Variants in PARVB observed in about 807,000 individuals in gnomAD.
PARVB encodes the protein parvin beta, also known as beta-parvin.
Under a neutral mutation model 47.0 loss-of-function variants are expected in PARVB, and 46 were observed. The ratio of observed to expected loss-of-function variants is 0.98; its 90% CI spans 0.77 to 1.25. The LOEUF (loss-of-function observed/expected upper bound fraction) is 1.25, where lower values mean the gene tolerates loss of function less well. Ranked by LOEUF, PARVB falls within the 50% of genes most tolerant of loss-of-function variation. PARVB has a pLI of 0.00. For missense variants in PARVB, 473 were observed against 471.6 expected (o/e 1.00, Z -0.03); for synonymous variants, 196 against 196.3 (o/e 1.00, Z 0.01).
chr22:44,003,818 G>A (rs1270634102), intron 2 of PARVB, among the ~76,000 whole-genome samples: 1 of 152,176 alleles, frequency 6.6e-6, no homozygotes, highest in Non-Finnish European at 1.5e-5. Flanking sequence ...GGCAACTGCC[G>A]TCAGGTTTAC....
chr22:44,057,403 G>A lies in PARVB; in HGVS notation c.112+32952G>A, dbSNP rs74485284. Reference sequence around the variant, plus strand: ...GCTTCTAAAAAGAATCTCCGTGCTCGCAAAAAATCCAAAAGTGGGGGAAGA... The same window carrying A: ...GCTTCTAAAAAGAATCTCCGTGCTCACAAAAAATCCAAAAGTGGGGGAAGA... On this transcript the variant is annotated intron_variant, in intron 1 of 12. Transcript: ENST00000338758. 3.4e-3 allele frequency among the ~76,000 whole-genome samples: 521 copies of A among 152,224 alleles called. 3 individuals are homozygous for A. Among genetic ancestry groups the A allele is most frequent in the African/African-American group, 0.012 (491 of 41,568 alleles).
At chr22:44,072,844 C>A (rs149623923) in intron 1 of PARVB, among the ~76,000 whole-genome samples, 1 of 152,308 alleles carries the variant, frequency 6.6e-6, no homozygotes, top group Non-Finnish European at 1.5e-5. Flanking sequence ...CCCCTACCTA[C>A]TAGGGATGTA....
At chr22:44,147,668 CTCGCCTTG>C (rs2053714903) in intron 8 of PARVB, 185 bp from the exon 9 acceptor site, 1 of 749,454 alleles carries the variant, frequency 1.3e-6, no homozygotes, top group African/African-American at 1.7e-5. Flanking sequence ...AGCGCTCTTG[CTCGCCTTG>C]GTTTGGCCGG....
chr22:44,120,865 A>T (rs184775013), intron 4 of PARVB, among the ~76,000 whole-genome samples: 1 of 151,132 alleles, frequency 6.6e-6, no homozygotes, highest in Admixed American at 6.6e-5. Flanking sequence ...TTTTTTTGAA[A>T]TGGAGTCTTG....
rs532118203 is a variant in PARVB, at chr22:44,099,685, G to GAACT, written c.203-366_203-363dup. ...TGTATTTATAAATAGTGGCCACAGG[G>GAACT]AACTACCTGGTGCCTGAAGCTTTCC... On this transcript the variant is annotated intron_variant, in intron 2 of 12. Transcript: ENST00000338758. 9.5e-4 allele frequency among the ~76,000 whole-genome samples: 144 copies of GAACT among 152,276 alleles called. 1 individual carries two copies. Among genetic ancestry groups the GAACT allele is most frequent in the Middle Eastern group, 3.4e-3 (1 of 294 alleles).
At chr22:44,051,152 G>A (rs917883535) in intron 1 of PARVB, among the ~76,000 whole-genome samples, 5 of 152,342 alleles carry the variant, frequency 3.3e-5, no homozygotes, top group Middle Eastern at 3.4e-3. Flanking sequence ...TTAGGCAGCC[G>A]TAAAAATCCT....
chr22:44,017,862 G>A (rs560366943), intron 2 of PARVB, among the ~76,000 whole-genome samples: 4 of 152,224 alleles, frequency 2.6e-5, no homozygotes, highest in Admixed American at 2.6e-4. Context: ...TCCGTGGGGT[G>A]CCAAGGGCAG....
chr22:44,101,797 C>T (rs1417573544), intron 3 of PARVB, among the ~76,000 whole-genome samples: 1 of 151,724 alleles, frequency 6.6e-6, no homozygotes, highest in Non-Finnish European at 1.5e-5. Flanking sequence ...TAGGGTCCAC[C>T]CAAAGATGTT....
chr22:44,163,865 AT>A lies in PARVB; in HGVS notation c.954del (p.Asn318LysfsTer8), dbSNP rs1569165646. ...ACCCCCCTTCCTTGGCAGGTCCACA[AT>A]GTGTCCTTCGCCTTTGAGCTGATGC... Reference protein sequence around the residue: ...TPESFDQKVHNVSFAFELMLD... With the variant: ...TPESFDQKVHXVSFAFELMLD... On this transcript the variant is annotated frameshift_variant, in exon 12 of 13. Transcript: ENST00000338758. LOFTEE classifies it high-confidence loss of function. 6.2e-7 allele frequency: 1 copy of A among 1,608,794 alleles called. No homozygotes were observed. Among genetic ancestry groups the A allele is most frequent in the Non-Finnish European group, 8.5e-7 (1 of 1,177,548 alleles).
In PARVB at chr22:44,089,328, C is replaced by T. The variant is rs904615997; in HGVS notation, c.113-4600C>T. On this transcript the variant is annotated intron_variant, in intron 1 of 12. Coordinates refer to ENST00000338758, the MANE Select transcript of PARVB (RefSeq NM_013327.5). This position sits in a 1 kb window ranked among gnomAD's most constrained non-coding sequence, Gnocchi z 4.0. ...AACAAGCACAAGGCGGTCTTTTTCC[C>T]TTAATCACCCATCTCATGAAATCAA... 4.6e-5 allele frequency: 7 copies of T among 152,302 alleles called. No homozygotes were observed. The highest frequency in any genetic ancestry group is 2.0e-4 in the Admixed American group (3 of 15,278). 9.4% of individuals were successfully genotyped at this position (152,302 alleles called of 1,614,324 possible).
At chr22:44,140,015 G>C (rs1291954930) in intron 7 of PARVB, 109 bp from the exon 8 acceptor site, 10 of 119,442 alleles carry the variant, frequency 8.4e-5, no homozygotes, top group African/African-American at 2.2e-4. Context: ...CCTGGGCAGC[G>C]AGGGCCCAGC....
chr22:44,130,587 A>C (rs1005765804), intron 4 of PARVB, among the ~76,000 whole-genome samples: 17 of 152,114 alleles, frequency 1.1e-4, no homozygotes, highest in African/African-American at 3.9e-4. Flanking sequence ...CTAACTTCCT[A>C]TTGTGGCATT....
chr22:44,168,734 T>C lies in PARVB; in HGVS notation c.*56T>C, dbSNP rs1465095639. The stretch of plus-strand genomic sequence containing the variant: ...CCCAGCAAGAAAGGCGGCATCCGTC[T>C]GTGCCCTGTGCCTTTCCAGGGAGCC... On this transcript the variant is annotated 3_prime_UTR_variant, in exon 13 of 13. Coordinates refer to ENST00000338758, the MANE Select transcript of PARVB (RefSeq NM_013327.5). 2.5e-6 allele frequency: 3 copies of C among 1,210,634 alleles called. No homozygotes were observed. The African/African-American group carries it at 4.5e-5, about 18-fold the overall frequency. 75.0% of individuals were successfully genotyped at this position (1,210,634 alleles called of 1,614,324 possible).
Position 44,131,570 on chromosome 22 carries a change from G to A in PARVB, c.460G>A (p.Glu154Lys). ...GQKQKLQTVL[E>K]AVHDLLRPRG... The stretch of plus-strand genomic sequence containing the variant: ...GAAACAGAAGCTGCAGACGGTGCTG[G>A]AAGCAGTACATGACCTGCTGCGGCC... Residue 154 changes from glutamate (E) to lysine (K), a missense_variant, in exon 5 of 13, where the codon GAA (glutamate) becomes AAA (lysine). Coordinates refer to ENST00000338758, the MANE Select transcript of PARVB (RefSeq NM_013327.5). The A allele has an allele frequency of 6.2e-7, 1 of 1,614,180 alleles. No homozygotes were observed. The highest frequency in any genetic ancestry group is 8.5e-7 in the Non-Finnish European group (1 of 1,180,026).
At chr22:44,160,347 G>A (rs150193830) in intron 11 of PARVB, among the ~76,000 whole-genome samples, 8 of 152,334 alleles carry the variant, frequency 5.3e-5, no homozygotes, top group East Asian at 1.9e-4. Context: ...AGGGTTGCAC[G>A]GCCAGCAAGG....
chr22:44,028,001 G>T (rs1380134020), intron 1 of PARVB, among the ~76,000 whole-genome samples: 1 of 149,440 alleles, frequency 6.7e-6, no homozygotes, highest in African/African-American at 2.5e-5. Flanking sequence ...AGCAGTTTTA[G>T]GTTTACAGCG....
At chr22:44,109,792 C>A (rs1430011183) in intron 3 of PARVB, 1 of 151,654 alleles carries the variant, frequency 6.6e-6, no homozygotes, top group Admixed American at 6.6e-5. Context: ...TGTTTCCTAA[C>A]AAGACTGAGC....
Position 44,000,848 on chromosome 22 carries a change from A to G in PARVB, c.211+1175A>G, listed in dbSNP as rs1171994241. 3.3e-5 allele frequency among the ~76,000 whole-genome samples: 5 copies of G among 152,296 alleles called. 1 individual carries two copies. The highest frequency in any genetic ancestry group is 6.8e-3 in the Middle Eastern group (2 of 294). On this transcript the variant is annotated intron_variant, in intron 2 of 13. Transcript: ENST00000406477. ...ACCTGGCACTGTGATTGGATTGTTT[A>G]CCCAGGCATGCTTTTGTAACATCAT... is the stretch of plus-strand genomic sequence containing the variant.
At chr22:44,008,944 G>A (rs564403309) in intron 2 of PARVB, among the ~76,000 whole-genome samples, 34 of 152,136 alleles carry the variant, frequency 2.2e-4, no homozygotes, top group South Asian at 6.2e-4. Context: ...AGCCGAGATC[G>A]CACCACTGTG....
Sources: allele counts gnomAD v4.1 joint callset (sites outside exome capture counted in the v4.1 genomes callset), GRCh38; gene constraint gnomAD v4.1.1; non-coding constraint Gnocchi (gnomAD v3.1); transcripts MANE v1.5; gene names NCBI Gene and HGNC (gene_info 2026-07-23, HGNC 2026-07-21).